Variants in SHISA9 observed in about 807,000 individuals in gnomAD.
SHISA9 encodes the protein shisa family member 9, also known as protein shisa-9.
Under a neutral mutation model 38.0 loss-of-function variants are expected in SHISA9, and 13 were observed. The ratio of observed to expected loss-of-function variants is 0.34; its 90% confidence interval spans 0.22 to 0.54. The LOEUF (loss-of-function observed/expected upper bound fraction) is 0.54. Ranked by LOEUF, SHISA9 falls within the 20% of genes least tolerant of loss-of-function variation. SHISA9 has a pLI of 0.91. For synonymous variants in SHISA9, 275 were observed against 242.0 expected (o/e 1.14, Z -1.27); for missense variants, 538 against 575.8 (o/e 0.93, Z 0.67).
At chr16:13,397,349 C>T in the SHISA9 span, among the ~76,000 whole-genome samples, 1 of 152,180 alleles carries the variant, frequency 6.6e-6, no homozygotes, top group Admixed American at 6.5e-5. Flanking sequence ...GGCTGTGACC[C>T]ACAGTGTCTA....
intron 2 of SHISA9, among the ~76,000 whole-genome samples, chr16:13,187,283 G>A (rs1047775852): frequency 2.7e-5 from 4 of 150,790 alleles, no homozygotes; most frequent in South Asian, 2.1e-4. Context: ...CAGGAGGTAG[G>A]ATTGGCACCT....
the SHISA9 span, among the ~76,000 whole-genome samples, chr16:13,354,662 C>G: frequency 0.24 from 35,833 of 149,686 alleles, 5,520 homozygotes; most frequent in East Asian, 0.52. Context: ...GCTGCACGCA[C>G]ACATGAGGGC....
the SHISA9 span, among the ~76,000 whole-genome samples, chr16:13,272,513 C>T: frequency 6.6e-6 from 1 of 152,050 alleles, no homozygotes; most frequent in Non-Finnish European, 1.5e-5. Flanking sequence ...CAAGCGTGAG[C>T]CACTGTACCC....
intron 2 of SHISA9, among the ~76,000 whole-genome samples, chr16:13,201,448 A>T (rs1567245923): frequency 7.5e-6 from 1 of 134,214 alleles, no homozygotes; most frequent in East Asian, 2.0e-4. Flanking sequence ...GTTATTTTTA[A>T]TTTTTTTCTG....
At chr16:12,939,527 G>C (rs965508683) in intron 2 of SHISA9, among the ~76,000 whole-genome samples, 3 of 152,302 alleles carry the variant, frequency 2.0e-5, no homozygotes, top group African/African-American at 7.2e-5. Flanking sequence ...TTGACTATGA[G>C]AATGAGCGTG....
In SHISA9 at chr16:12,930,327, G is replaced by A. The variant is rs1432021848; in HGVS notation, c.691+13512G>A. On this transcript the variant is annotated intron_variant, in intron 2 of 4. Transcript: ENST00000558583. The stretch of plus-strand genomic sequence containing the variant: ...TTATTTCTTGTGGACTAAACCTTCA[G>A]TGCTGTTATCAGAGTCTAGCAAATG... 5.9e-4 allele frequency among the ~76,000 whole-genome samples: 90 copies of A among 152,306 alleles called. 1 individual carries two copies. Among genetic ancestry groups the A allele is most frequent in the Non-Finnish European group, 7.4e-5 (5 of 68,026 alleles).
At chr16:13,530,653 C>T in the SHISA9 span, among the ~76,000 whole-genome samples, 3 of 151,976 alleles carry the variant, frequency 2.0e-5, no homozygotes, top group Non-Finnish European at 2.9e-5. Context: ...CTATAGTGTA[C>T]CCTAGGCACC....
chr16:13,235,598 G>A lies in SHISA9; in HGVS notation c.*189G>A, dbSNP rs1204001342. On this transcript the variant is annotated 3_prime_UTR_variant, in exon 5 of 5. Transcript: ENST00000558583. ...TAGGTCATGCCTGTAACGTGTCGGC[G>A]GGCAGCTGAGAAAGACCGAAGCGTG... 8 of 700,468 alleles carry A rather than the reference G, an allele frequency of 1.1e-5. No homozygotes were observed. The highest frequency in any genetic ancestry group is 2.8e-5 in the East Asian group (1 of 35,532). The allele number at this position is 700,468 out of a possible 1,614,324, so 43.4% of individuals were successfully genotyped here.
At chr16:13,128,207 C>A (rs553613705) in intron 2 of SHISA9, among the ~76,000 whole-genome samples, 1 of 152,150 alleles carries the variant, frequency 6.6e-6, no homozygotes, top group Non-Finnish European at 1.5e-5. Context: ...CACAAAAAGG[C>A]TCTCCTGGGT....
chr16:13,018,711 G>A (rs1035509834), intron 2 of SHISA9, among the ~76,000 whole-genome samples: 5 of 152,138 alleles, frequency 3.3e-5, no homozygotes, highest in African/African-American at 9.7e-5. Flanking sequence ...ATTCCTAGTC[G>A]CCTGTCAACT....
At chr16:13,137,434 G>C (rs1358497346) in intron 2 of SHISA9, among the ~76,000 whole-genome samples, 2 of 151,988 alleles carry the variant, frequency 1.3e-5, no homozygotes, top group African/African-American at 4.8e-5. Flanking sequence ...TCGTTAGAGA[G>C]CCCATAACGG....
the SHISA9 span, among the ~76,000 whole-genome samples, chr16:13,254,132 A>G: frequency 1.3e-3 from 197 of 152,276 alleles, 1 homozygote; most frequent in South Asian, 7.7e-3. Flanking sequence ...AATACTAATA[A>G]TTACCATTTA....
chr16:13,560,288 A>G, the SHISA9 span, among the ~76,000 whole-genome samples: 1 of 152,186 alleles, frequency 6.6e-6, no homozygotes, highest in Admixed American at 6.5e-5. Context: ...CCTGAGATTC[A>G]CTGTAATTAG....
chr16:13,361,325 C>G, the SHISA9 span, among the ~76,000 whole-genome samples: 1 of 152,210 alleles, frequency 6.6e-6, no homozygotes, highest in African/African-American at 2.4e-5. Flanking sequence ...AATGACACCA[C>G]CATCCTTTCA....
intron 2 of SHISA9, among the ~76,000 whole-genome samples, chr16:13,117,709 A>G (rs1480091223): frequency 6.6e-6 from 1 of 152,228 alleles, no homozygotes. Flanking sequence ...GGCCCTGCCA[A>G]CAGCCCAATT....
chr16:13,461,887 A>G, the SHISA9 span, among the ~76,000 whole-genome samples: 2 of 152,074 alleles, frequency 1.3e-5, no homozygotes, highest in Non-Finnish European at 2.9e-5. Context: ...TGCTGGGATT[A>G]CAGGCGTGAG....
intron 2 of SHISA9, among the ~76,000 whole-genome samples, chr16:12,970,664 C>G (rs1280186864): frequency 6.7e-6 from 1 of 149,736 alleles, no homozygotes; most frequent in Non-Finnish European, 1.5e-5. Context: ...GCACACACCA[C>G]CACACCGGCT....
intron 2 of SHISA9, among the ~76,000 whole-genome samples, chr16:12,945,579 A>C (rs1233845531): frequency 1.3e-5 from 2 of 152,236 alleles, no homozygotes; most frequent in African/African-American, 4.8e-5. Flanking sequence ...TAATTGTTAC[A>C]AGAACAAGTT....
chr16:12,921,349 C>A (rs1567339766), intron 2 of SHISA9, among the ~76,000 whole-genome samples: 1 of 152,188 alleles, frequency 6.6e-6, no homozygotes, highest in South Asian at 2.1e-4. Flanking sequence ...CCAAAGCAGA[C>A]CTGCGGCTTA....
Sources: gnomAD v4.1 joint callset for allele counts (sites outside exome capture counted in the v4.1 genomes callset) on GRCh38, gnomAD v4.1.1 for gene constraint, MANE v1.5 for transcripts, NCBI Gene and HGNC (gene_info 2026-07-23, HGNC 2026-07-21) for gene names.